The following SAMD5 variants were observed in gnomAD, a reference collection of about 807,000 sequenced individuals.
The protein encoded by SAMD5 is sterile alpha motif domain-containing protein 5.
A neutral mutation model predicts 11.3 loss-of-function variants in SAMD5; 13 were observed. The observed-to-expected ratio is 1.15, with a 90% CI of 0.75 to 1.83. The LOEUF (loss-of-function observed/expected upper bound fraction) is 1.83. SAMD5 is among the 40% of genes most tolerant of loss of function. The pLI is 0.00. For missense variants in SAMD5, 255 were observed against 239.1 expected (o/e 1.07, Z -0.44); for synonymous variants, 129 against 111.3 (o/e 1.16, Z -1.00).
chr6:147,564,677 A>G lies in SAMD5; in HGVS notation c.*221A>G, dbSNP rs942007621. The G allele has an allele frequency of 1.1e-5, 14 of 1,273,232 alleles. No homozygotes were observed. The South Asian group carries it at 2.6e-4, about 24-fold the overall frequency. 78.9% of individuals were successfully genotyped at this position (1,273,232 alleles called of 1,614,324 possible). ...GGCAGTGAACTATCACGCATAAAGA[A>G]GTATTGAGTTCATTTTTTTAAGAAG... On this transcript the variant is annotated 3_prime_UTR_variant, in exon 2 of 2. Coordinates refer to ENST00000367474, the MANE Select transcript of SAMD5 (RefSeq NM_001030060.3).
At chr6:147,847,299 A>G in the SAMD5 span, among the ~76,000 whole-genome samples, 1 of 152,252 alleles carries the variant, frequency 6.6e-6, no homozygotes, top group African/African-American at 2.4e-5. Context: ...AGAGTCAGTT[A>G]ACTCTAAGCA....
the SAMD5 span, among the ~76,000 whole-genome samples, chr6:147,866,531 A>G: frequency 6.6e-5 from 10 of 152,320 alleles, 1 homozygote; most frequent in African/African-American, 2.2e-4. Context: ...CAAAATGCCA[A>G]TAAGATTATC....
the SAMD5 span, among the ~76,000 whole-genome samples, chr6:147,909,932 C>T: frequency 3.3e-5 from 5 of 151,942 alleles, no homozygotes; most frequent in Non-Finnish European, 7.4e-5. Flanking sequence ...CGTGTGGACC[C>T]GGAGCATGAT....
the SAMD5 span, among the ~76,000 whole-genome samples, chr6:147,849,960 C>G: frequency 6.6e-6 from 1 of 152,140 alleles, no homozygotes; most frequent in Admixed American, 6.6e-5. Flanking sequence ...CTTTTGGTAA[C>G]CTAAGATGTG....
In SAMD5 at chr6:147,568,416, A is replaced by G. The variant is rs1231508757; in HGVS notation, c.*3960A>G. On this transcript the variant is annotated 3_prime_UTR_variant, in exon 2 of 2. Transcript: ENST00000367474. ...CATTTGCTTTATATAGATTCTTACA[A>G]GTAATATTTGATTAGGTATCAAAAT... 4 of 984,984 alleles carry G rather than the reference A, an allele frequency of 4.1e-6. No homozygotes were observed. The African/African-American group carries it at 5.2e-5, about 13-fold the overall frequency. 61.0% of individuals were successfully genotyped at this position (984,984 alleles called of 1,614,324 possible).
chr6:147,782,704 G>A, the SAMD5 span, among the ~76,000 whole-genome samples: 1 of 152,148 alleles, frequency 6.6e-6, no homozygotes, highest in Non-Finnish European at 1.5e-5. Context: ...AAAATCATGT[G>A]CCCTGACTTC....
chr6:147,560,861 C>G (rs753306276), intron 1 of SAMD5, among the ~76,000 whole-genome samples: 1 of 152,174 alleles, frequency 6.6e-6, no homozygotes, highest in Non-Finnish European at 1.5e-5. Context: ...AAAGGCCCCT[C>G]AAACCCCATA....
chr6:147,915,934 A>G, the SAMD5 span, among the ~76,000 whole-genome samples: 1 of 116,534 alleles, frequency 8.6e-6, no homozygotes, highest in African/African-American at 3.4e-5. Context: ...CCGGTGTGTG[A>G]TGTTCTCCTT....
chr6:147,785,910 A>C, the SAMD5 span, among the ~76,000 whole-genome samples: 1 of 152,208 alleles, frequency 6.6e-6, no homozygotes, highest in Admixed American at 6.5e-5. Context: ...CAAATACAAC[A>C]ATCGCTTCTT....
the SAMD5 span, among the ~76,000 whole-genome samples, chr6:147,750,650 C>T: frequency 6.6e-6 from 1 of 152,200 alleles, no homozygotes; most frequent in Non-Finnish European, 1.5e-5. Context: ...CTGGGCCCGG[C>T]ACAGTGGCTA....
At chr6:147,915,749 C>T in the SAMD5 span, among the ~76,000 whole-genome samples, 1 of 152,232 alleles carries the variant, frequency 6.6e-6, no homozygotes, top group South Asian at 2.1e-4. Context: ...GCATTTTCTG[C>T]AAATTTTTGT....
chr6:147,748,707 G>A, the SAMD5 span, among the ~76,000 whole-genome samples: 14 of 152,186 alleles, frequency 9.2e-5, no homozygotes, highest in African/African-American at 3.4e-4. Context: ...AAAGATGACA[G>A]CTGATATCAT....
the SAMD5 span, among the ~76,000 whole-genome samples, chr6:147,821,933 A>G: frequency 2.0e-5 from 3 of 152,112 alleles, no homozygotes; most frequent in Non-Finnish European, 4.4e-5. Flanking sequence ...ATGTCTAGAT[A>G]TTTTTTCAGA....
At chr6:147,769,341 CTTTTCA>C in the SAMD5 span, among the ~76,000 whole-genome samples, 1 of 152,258 alleles carries the variant, frequency 6.6e-6, no homozygotes, top group African/African-American at 2.4e-5. Flanking sequence ...TACACTTCAT[CTTTTCA>C]TTTTCATTTT....
chr6:147,753,095 CA>C, the SAMD5 span, among the ~76,000 whole-genome samples: 1 of 152,154 alleles, frequency 6.6e-6, no homozygotes, highest in South Asian at 2.1e-4. Context: ...GACAAAGAAA[CA>C]TAACAGTCAA....
At chr6:147,796,541 G>C in the SAMD5 span, among the ~76,000 whole-genome samples, 1 of 152,140 alleles carries the variant, frequency 6.6e-6, no homozygotes, top group African/African-American at 2.4e-5. Context: ...GATTGACTTG[G>C]CGATACAGTC....
At chr6:147,905,383 G>A in the SAMD5 span, among the ~76,000 whole-genome samples, 1 of 151,710 alleles carries the variant, frequency 6.6e-6, no homozygotes, top group Non-Finnish European at 1.5e-5. Flanking sequence ...GATTTGCCAT[G>A]TTGGTCAGGC....
At chr6:147,789,318 C>CAG in the SAMD5 span, among the ~76,000 whole-genome samples, 2 of 148,874 alleles carry the variant, frequency 1.3e-5, no homozygotes, top group Non-Finnish European at 3.0e-5. Flanking sequence ...CACACACACA[C>CAG]AGTCAAAACC....
chr6:147,637,437 A>G (rs1790245771), intron 1 of SAMD5, among the ~76,000 whole-genome samples: 1 of 152,188 alleles, frequency 6.6e-6, no homozygotes, highest in Admixed American at 6.5e-5. Flanking sequence ...CATCACCCTC[A>G]GGGTTAAGGA....
Sources: allele counts gnomAD v4.1 joint callset (sites outside exome capture counted in the v4.1 genomes callset), GRCh38; gene constraint gnomAD v4.1.1; transcripts MANE v1.5; gene names NCBI Gene and HGNC (gene_info 2026-07-23, HGNC 2026-07-21).